PROKR2: variants seen among roughly 807,000 people sequenced by gnomAD.
PROKR2 encodes the protein G protein-coupled receptor 73-like 1.
Under a neutral mutation model 23.4 loss-of-function variants are expected in PROKR2, and 26 were observed. The observed-to-expected ratio is 1.11, with a 90% confidence interval of 0.81 to 1.54. The LOEUF (loss-of-function observed/expected upper bound fraction) is 1.54, where lower values mean the gene tolerates loss of function less well. PROKR2 is among the 40% of genes most tolerant of loss of function. The probability of loss-of-function intolerance (pLI) is 0.00; values close to 1 mark genes in which losing one functional copy is unlikely to be tolerated. For synonymous variants in PROKR2, 212 were observed against 201.2 expected, an observed-to-expected ratio of 1.05 and a Z score of -0.45; for missense variants, 453 against 511.5, an observed-to-expected ratio of 0.89 and a Z score of 1.10.
At position 5,301,225 on chromosome 20, in the gene PROKR2, G is replaced by GTTGT. The variant is rs759151427; in HGVS notation, c.*811_*814dup. Among the ~76,000 whole-genome samples the GTTGT allele has an allele frequency of 4.8e-5, 7 of 144,824 alleles. No individual in the cohort carries two copies. Among genetic ancestry groups the GTTGT allele is most frequent in the South Asian group, 4.4e-4 (2 of 4,566 alleles). ...CGTTGGTTGTTGTTGTTGTTGTTTT[G>GTTGT]TTGTTTGTTTGTTTGTTTTTTTCCT... On this transcript the variant is annotated 3_prime_UTR_variant, in exon 3 of 3. Transcript: ENST00000678254.
chr20:5,302,281 A>G lies in PROKR2; in HGVS notation c.914T>C (p.Phe305Ser). 1 of 1,614,248 alleles carries G rather than the reference A, an allele frequency of 6.2e-7. No individual in the cohort carries two copies. The highest frequency in any genetic ancestry group is 8.5e-7 in the Non-Finnish European group (1 of 1,180,044). ...TIVRDFFPTV[F>S]VKEKHYLTAF... ...AGTGAGGTAGTGCTTTTCCTTCACG[A>G]ACACAGTGGGGAAGAAGTCACGAAC... The change falls in exon 3 of 3, where the codon TTC becomes TCC. Residue 305 changes from phenylalanine (F) to serine (S), a missense_variant. Coordinates refer to ENST00000678254, the MANE Select transcript of PROKR2 (RefSeq NM_144773.4).
Position 5,314,261 on chromosome 20 carries a change from TAGGGA to T in PROKR2, c.104_108del (p.Leu35HisfsTer3). The T allele has an allele frequency of 6.2e-7, 1 of 1,614,020 alleles. No individual in the cohort carries two copies. The highest frequency in any genetic ancestry group is 8.5e-7 in the Non-Finnish European group (1 of 1,179,938). On this transcript the variant is annotated frameshift_variant, in exon 2 of 3. Coordinates refer to ENST00000678254, the MANE Select transcript of PROKR2 (RefSeq NM_144773.4). LOFTEE classifies it high-confidence loss of function. ...TTGGTCATGTCCTCATCCTCATCCA[TAGGGA>T]GGTCATAATCACCATAACTGAAGTT...
chr20:5,306,123 A>T (rs1483212641), intron 2 of PROKR2, among the ~76,000 whole-genome samples: 1 of 152,252 alleles, frequency 6.6e-6, no homozygotes, highest in African/African-American at 2.4e-5. Flanking sequence ...CAGAACCTAT[A>T]CCTTTAAAAT....
chr20:5,305,431 G>A (rs7272484), intron 2 of PROKR2, among the ~76,000 whole-genome samples: 61,900 of 152,078 alleles, frequency 0.41, 12,711 homozygotes, highest in East Asian at 0.52. Context: ...ATTTAAAAGG[G>A]GTACAAATAC....
intron 1 of PROKR2, 83 bp from the exon 2 acceptor site, chr20:5,314,460 C>A (rs568403760): frequency 1.8e-6 from 2 of 1,117,678 alleles, no homozygotes; most frequent in East Asian, 2.4e-5. Flanking sequence ...GCCTAGCACC[C>A]TGCCCACATC....
At chr20:5,308,877 C>G (rs1979328134) in intron 2 of PROKR2, among the ~76,000 whole-genome samples, 1 of 152,196 alleles carries the variant, frequency 6.6e-6, no homozygotes, top group Non-Finnish European at 1.5e-5. Flanking sequence ...CTCTTGCCTG[C>G]CCCCTGCCTG....
chr20:5,312,403 G>A (rs547974882), intron 2 of PROKR2, among the ~76,000 whole-genome samples: 4 of 152,270 alleles, frequency 2.6e-5, no homozygotes, highest in African/African-American at 7.2e-5. Flanking sequence ...CACCGCACCC[G>A]GGCTGACTTT....
At chr20:5,306,020 T>A (rs903535008) in intron 2 of PROKR2, among the ~76,000 whole-genome samples, 5 of 152,012 alleles carry the variant, frequency 3.3e-5, no homozygotes, top group African/African-American at 9.7e-5. Flanking sequence ...TAGGAAAAAA[T>A]TTGCAAGATT....
Position 5,313,943 on chromosome 20 carries a change from TGGAGACGTAGAG to T in PROKR2, c.415_426del (p.Leu139_Ser142del), listed in dbSNP as rs1979541747. 6.2e-7 allele frequency: 1 copy of T among 1,614,044 alleles called. No individual in the cohort carries two copies. The highest frequency in any genetic ancestry group is 1.3e-5 in the African/African-American group (1 of 74,984). ...ATGGCAATGGCCAGCAAGGCATTGG[TGGAGACGTAGAG>T]GGAGACGGTGCGCAGGTAGTTGACG... On this transcript the variant is annotated inframe_deletion, in exon 2 of 3. Transcript: ENST00000678254.
intron 2 of PROKR2, among the ~76,000 whole-genome samples, chr20:5,305,202 C>T (rs572633947): frequency 3.9e-5 from 6 of 152,366 alleles, no homozygotes; most frequent in South Asian, 2.1e-4. Context: ...CGGCCCGTCC[C>T]GGGCCCCATT....
chr20:5,310,356 G>T (rs904354111), intron 2 of PROKR2, among the ~76,000 whole-genome samples: 21 of 152,078 alleles, frequency 1.4e-4, no homozygotes, highest in Admixed American at 4.6e-4. Flanking sequence ...ACAGCATTGG[G>T]TGGCCCTTCT....
Position 5,308,508 on chromosome 20 carries a change from C to A in PROKR2, c.458+5404G>T, listed in dbSNP as rs1979312358. 5.3e-5 allele frequency among the ~76,000 whole-genome samples: 8 copies of A among 151,930 alleles called. 1 individual carries two copies. Among genetic ancestry groups the A allele is most frequent in the Admixed American group, 5.2e-4 (8 of 15,258 alleles). On this transcript the variant is annotated intron_variant, in intron 2 of 2. Transcript: ENST00000678254. ...ATCCCTTCATTTCCCATAAGGGCTACTTTAAATCTAATATCTATAGAAACA... is the reference window on the plus strand; with the variant it reads ...ATCCCTTCATTTCCCATAAGGGCTAATTTAAATCTAATATCTATAGAAACA...
At position 5,314,278 on chromosome 20, in the gene PROKR2, C is replaced by T; in HGVS notation, c.92G>A (p.Gly31Asp). ...CTCATCCATAGGGAGGTCATAATCA[C>T]CATAACTGAAGTTAAAGGAGAGGGA... is the stretch of plus-strand genomic sequence containing the variant. ...ASSLSFNFSY[G>D]DYDLPMDEDE... Residue 31 changes from glycine to aspartate, a missense_variant, in exon 2 of 3, where the codon GGT becomes GAT. Coordinates refer to ENST00000678254, the MANE Select transcript of PROKR2 (RefSeq NM_144773.4). 2 of 1,614,142 alleles carry T rather than the reference C, an allele frequency of 1.2e-6. No homozygotes were observed. The highest frequency in any genetic ancestry group is 1.7e-6 in the Non-Finnish European group (2 of 1,180,040).
At chr20:5,304,383 A>C (rs760412473) in intron 2 of PROKR2, among the ~76,000 whole-genome samples, 33 of 152,230 alleles carry the variant, frequency 2.2e-4, no homozygotes, top group Admixed American at 6.5e-4. Flanking sequence ...GGGACTGTTA[A>C]AGAATGCTGC....
rs1978952391 is a variant in PROKR2, at chr20:5,300,684, T to A, written c.*1356A>T. On this transcript the variant is annotated 3_prime_UTR_variant, in exon 3 of 3. Transcript: ENST00000678254. ...AAACATCATGAATTTAGGACTTGAG[T>A]CTTAGAGTTAGGACCTGAACCCAGG... Among the ~76,000 whole-genome samples, 5 of 152,110 alleles carry A rather than the reference T, an allele frequency of 3.3e-5. 1 individual carries two copies. In the South Asian group the frequency reaches 1.0e-3, roughly 32 times the overall value.
rs1044413874 is a variant in PROKR2, at chr20:5,300,457, A to G, written c.*1583T>C. 6.6e-6 allele frequency among the ~76,000 whole-genome samples: 1 copy of G among 152,226 alleles called. No individual in the cohort carries two copies. Among genetic ancestry groups the G allele is most frequent in the Non-Finnish European group, 1.5e-5 (1 of 68,042 alleles). ...AAAAGTGTGGGTATTTCTCTAATAA[A>G]TCACAGTGGATGGGGTTTCCAAATA... is the stretch of plus-strand genomic sequence containing the variant. On this transcript the variant is annotated 3_prime_UTR_variant, in exon 3 of 3. Transcript: ENST00000678254.
intron 2 of PROKR2, among the ~76,000 whole-genome samples, chr20:5,305,150 GT>G (rs919938671): frequency 1.2e-4 from 18 of 152,184 alleles, no homozygotes; most frequent in African/African-American, 4.1e-4. Context: ...TTCACTCTAA[GT>G]TTGAGAAAGA....
intron 2 of PROKR2, among the ~76,000 whole-genome samples, chr20:5,305,875 A>G (rs1247385086): frequency 6.6e-6 from 1 of 152,212 alleles, no homozygotes; most frequent in African/African-American, 2.4e-5. Context: ...GGGACTATTC[A>G]ACCAATTATA....
chr20:5,307,309 C>A (rs1454350187), intron 2 of PROKR2, among the ~76,000 whole-genome samples: 1 of 152,162 alleles, frequency 6.6e-6, no homozygotes, highest in Non-Finnish European at 1.5e-5. Context: ...CATGAGTATT[C>A]CTTCAACAAC....
Sources: gnomAD v4.1 joint callset for allele counts (sites outside exome capture counted in the v4.1 genomes callset) on GRCh38, gnomAD v4.1.1 for gene constraint, MANE v1.5 for transcripts, NCBI Gene and HGNC (gene_info 2026-07-23, HGNC 2026-07-21) for gene names.